MORC3: variants seen among roughly 807,000 people sequenced by gnomAD.
MORC3 encodes the protein MORC family CW-type zinc finger protein 3.
A neutral mutation model predicts 109.1 loss-of-function variants in MORC3; 31 were observed. The ratio of observed to expected loss-of-function variants is 0.28; its 90% CI spans 0.21 to 0.38. MORC3 has a LOEUF of 0.38. Ranked by LOEUF, MORC3 falls within the 10% of genes least tolerant of loss-of-function variation. The pLI is 1.00. For missense variants in MORC3, 867 were observed against 1,135.8 expected, an observed-to-expected ratio of 0.76 and a Z score of 3.40; for synonymous variants, 395 against 380.7, an observed-to-expected ratio of 1.04 and a Z score of -0.44.
chr21:36,326,705 TATTC>T (rs1388761662), intron 1 of MORC3, among the ~76,000 whole-genome samples: 2 of 152,198 alleles, frequency 1.3e-5, no homozygotes, highest in East Asian at 3.8e-4. Flanking sequence ...GTGACTGCCT[TATTC>T]ATTAATGTCT....
At chr21:36,332,306 C>T (rs1029548594) in intron 1 of MORC3, among the ~76,000 whole-genome samples, 1 of 151,876 alleles carries the variant, frequency 6.6e-6, no homozygotes, top group Admixed American at 6.6e-5. Flanking sequence ...TGTGGTGGTG[C>T]GCACCTGTAA....
At position 36,320,203 on chromosome 21, in the gene MORC3, G is replaced by T; in HGVS notation, c.-62G>T. On this transcript the variant is annotated 5_prime_UTR_variant, in exon 1 of 17. Coordinates refer to ENST00000400485, the MANE Select transcript of MORC3 (RefSeq NM_015358.3). Reference sequence around the variant, plus strand: ...GCGGTACCCATAGGGCTCCACAGTCGTTCCGCCACCTCCCAGTCGGGTTGC... The same window carrying T: ...GCGGTACCCATAGGGCTCCACAGTCTTTCCGCCACCTCCCAGTCGGGTTGC... 1.4e-5 allele frequency: 21 copies of T among 1,552,048 alleles called. No individual in the cohort carries two copies. Among genetic ancestry groups the T allele is most frequent in the Non-Finnish European group, 1.8e-5 (21 of 1,147,000 alleles).
At chr21:36,350,899 G>T (rs2085563272) in intron 9 of MORC3, among the ~76,000 whole-genome samples, 2 of 152,040 alleles carry the variant, frequency 1.3e-5, no homozygotes, top group South Asian at 2.1e-4. Flanking sequence ...GTGATATTTT[G>T]ATACAAGCAT....
intron 9 of MORC3, among the ~76,000 whole-genome samples, chr21:36,351,659 G>A (rs2085574259): frequency 6.6e-6 from 1 of 152,154 alleles, no homozygotes; most frequent in Admixed American, 6.5e-5. Flanking sequence ...ATGTACCATA[G>A]TTTTTTTATT....
intron 9 of MORC3, among the ~76,000 whole-genome samples, chr21:36,350,883 A>T (rs936275734): frequency 6.6e-6 from 1 of 152,142 alleles, no homozygotes; most frequent in African/African-American, 2.4e-5. Flanking sequence ...TTTGTATGGA[A>T]TACATGTGAT....
chr21:36,373,687 C>G (rs1468418418), intron 16 of MORC3, among the ~76,000 whole-genome samples: 1 of 151,894 alleles, frequency 6.6e-6, no homozygotes. Flanking sequence ...GGACTCTTAC[C>G]ATAAAAGCTC....
At chr21:36,334,861 T>A (rs1026363543) in intron 2 of MORC3, among the ~76,000 whole-genome samples, 32 of 152,152 alleles carry the variant, frequency 2.1e-4, no homozygotes, top group Non-Finnish European at 8.8e-5. Flanking sequence ...GGGCACACAG[T>A]TGTTCACACC....
Position 36,320,243 on chromosome 21 carries a change from C to A in MORC3, c.-22C>A, listed in dbSNP as rs769057046. The A allele has an allele frequency of 9.5e-6, 15 of 1,578,546 alleles. No individual in the cohort carries two copies. Among genetic ancestry groups the A allele is most frequent in the Non-Finnish European group, 8.6e-7 (1 of 1,163,566 alleles). On this transcript the variant is annotated 5_prime_UTR_variant, in exon 1 of 17. In the 5' UTR this introduces an upstream ATG that the reference lacks. Transcript: ENST00000400485. ...AGTCGGGTTGCGGCGGAGGCCGTTC[C>A]TGGCTTTGTAGCTCGCTCAAGATGG...
intron 8 of MORC3, among the ~76,000 whole-genome samples, chr21:36,345,332 T>G (rs1177883073): frequency 6.6e-6 from 1 of 151,458 alleles, no homozygotes; most frequent in Non-Finnish European, 1.5e-5. Context: ...CTCACTGCCA[T>G]ATTCACCTTC....
At chr21:36,365,875 C>T (rs2085775465) in intron 14 of MORC3, among the ~76,000 whole-genome samples, 1 of 152,162 alleles carries the variant, frequency 6.6e-6, no homozygotes, top group Non-Finnish European at 1.5e-5. Context: ...AGCCACAGCA[C>T]CCGGCCAGTT....
chr21:36,338,924 A>G lies in MORC3; in HGVS notation c.608+3A>G, dbSNP rs748712535. 6.2e-7 allele frequency: 1 copy of G among 1,613,164 alleles called. No homozygotes were observed. The highest frequency in any genetic ancestry group is 8.5e-7 in the Non-Finnish European group (1 of 1,179,480). ...ATCATCATTTGGAATCTTAGAAGGTAAACGTGGACATAGATGTTGACCGTT... is the reference window on the plus strand; with the variant it reads ...ATCATCATTTGGAATCTTAGAAGGTGAACGTGGACATAGATGTTGACCGTT... On this transcript the variant is annotated splice_donor_region_variant and intron_variant, in intron 5 of 16. Coordinates refer to ENST00000400485, the MANE Select transcript of MORC3 (RefSeq NM_015358.3).
chr21:36,344,279 T>TA (rs917296762), intron 6 of MORC3, among the ~76,000 whole-genome samples: 5 of 152,150 alleles, frequency 3.3e-5, no homozygotes, highest in African/African-American at 1.2e-4. Flanking sequence ...TTTTTAAAAT[T>TA]AAAATGTGAT....
chr21:36,372,662 G>C (rs1468433014), intron 16 of MORC3, 131 bp downstream of exon 16: 1 of 882,114 alleles, frequency 1.1e-6, no homozygotes, highest in Non-Finnish European at 1.6e-6. Context: ...TGTGACCCTG[G>C]TGTTATGATA....
intron 16 of MORC3, among the ~76,000 whole-genome samples, chr21:36,373,740 C>G (rs1167599636): frequency 6.6e-6 from 1 of 152,096 alleles, no homozygotes; most frequent in Non-Finnish European, 1.5e-5. Flanking sequence ...CATTATCAGA[C>G]TAAGGAAGAA....
intron 9 of MORC3, among the ~76,000 whole-genome samples, chr21:36,354,524 T>G (rs945515453): frequency 6.6e-6 from 1 of 151,922 alleles, no homozygotes; most frequent in African/African-American, 2.4e-5. Flanking sequence ...AGGCTGGTCT[T>G]GAACTCCTGA....
chr21:36,334,678 G>T (rs1178242759), intron 2 of MORC3, among the ~76,000 whole-genome samples: 1 of 152,154 alleles, frequency 6.6e-6, no homozygotes, highest in African/African-American at 2.4e-5. Flanking sequence ...TAGGAGGATT[G>T]GTATTGTGTT....
chr21:36,336,781 C>G (rs1210561491), intron 2 of MORC3, 93 bp from the exon 3 acceptor site: 20 of 1,252,400 alleles, frequency 1.6e-5, no homozygotes, highest in Admixed American at 2.9e-5. Context: ...TGTCTTAAAA[C>G]ATAGTCTTCT....
intron 5 of MORC3, among the ~76,000 whole-genome samples, chr21:36,339,931 TAGAG>T (rs368622766): frequency 7.2e-4 from 109 of 152,306 alleles, no homozygotes; most frequent in African/African-American, 2.4e-3. Context: ...TAAGAAGTAA[TAGAG>T]AGATGTTAGG....
intron 9 of MORC3, among the ~76,000 whole-genome samples, chr21:36,353,186 G>T (rs976762855): frequency 1.1e-4 from 17 of 149,266 alleles, no homozygotes; most frequent in African/African-American, 4.2e-4. Context: ...GTGAAACCCA[G>T]TCTCTACTAA....
Sources: allele counts gnomAD v4.1 joint callset (sites outside exome capture counted in the v4.1 genomes callset), GRCh38; gene constraint gnomAD v4.1.1; transcripts MANE v1.5; gene names NCBI Gene and HGNC (gene_info 2026-07-23, HGNC 2026-07-21).